IL15: variants seen among roughly 807,000 people sequenced by gnomAD.
IL15 encodes interleukin 15, also known as interleukin-15.
Under a neutral mutation model 19.6 loss-of-function variants are expected in IL15, and 11 were observed. The ratio of observed to expected loss-of-function variants is 0.56; its 90% CI spans 0.35 to 0.93. The LOEUF (loss-of-function observed/expected upper bound fraction) is 0.93. Among genes scored for constraint, IL15 ranks in the 40% least tolerant of loss-of-function variants. IL15 has a pLI of 0.01. For synonymous variants in IL15, 58 were observed against 59.6 expected, an observed-to-expected ratio of 0.97 and a Z score of 0.12; for missense variants, 197 against 186.5, an observed-to-expected ratio of 1.06 and a Z score of -0.33.
intron 2 of IL15, among the ~76,000 whole-genome samples, chr4:141,673,011 T>A (rs751980061): frequency 6.6e-6 from 1 of 152,214 alleles, no homozygotes; most frequent in Non-Finnish European, 1.5e-5. Flanking sequence ...ATGTAGCTGC[T>A]GTGAGCTTTT....
intron 2 of IL15, among the ~76,000 whole-genome samples, chr4:141,665,185 CTTATT>C (rs1727928443): frequency 1.3e-5 from 2 of 151,882 alleles, no homozygotes; most frequent in African/African-American, 4.8e-5. Context: ...ATTAATAATT[CTTATT>C]TTGTCAGATC....
intron 2 of IL15, among the ~76,000 whole-genome samples, chr4:141,704,897 C>T (rs1450021617): frequency 3.3e-5 from 5 of 151,280 alleles, no homozygotes; most frequent in South Asian, 4.2e-4. Context: ...CTCTCATGAT[C>T]CTTTGTATTT....
chr4:141,712,519 G>A (rs115871930), intron 2 of IL15, among the ~76,000 whole-genome samples: 3,283 of 151,412 alleles, frequency 0.022, 126 homozygotes, highest in African/African-American at 0.074. Flanking sequence ...ATCCCCTCCA[G>A]CTACATAAAT....
chr4:141,650,366 C>T (rs889648372), intron 1 of IL15, among the ~76,000 whole-genome samples: 1 of 152,080 alleles, frequency 6.6e-6, no homozygotes, highest in Admixed American at 6.5e-5. Context: ...TCAATGTCTA[C>T]TAGTAACTGC....
At chr4:141,646,683 T>G (rs539628905) in intron 1 of IL15, among the ~76,000 whole-genome samples, 1 of 152,246 alleles carries the variant, frequency 6.6e-6, no homozygotes, top group African/African-American at 2.4e-5. Context: ...AGCTTACACA[T>G]AGTCTAATGT....
chr4:141,703,157 C>A (rs1188799348), intron 2 of IL15, among the ~76,000 whole-genome samples: 2 of 152,176 alleles, frequency 1.3e-5, no homozygotes, highest in Non-Finnish European at 2.9e-5. Context: ...AGAACTCAGA[C>A]CTGCCTGAGG....
At chr4:141,718,938 G>C (rs931321880) in intron 2 of IL15, 5 of 152,192 alleles carry the variant, frequency 3.3e-5, no homozygotes, top group African/African-American at 1.2e-4. Flanking sequence ...GATTAACAAT[G>C]GTTTCTTTAA....
At chr4:141,666,756 G>A (rs903692604) in intron 2 of IL15, among the ~76,000 whole-genome samples, 3 of 151,844 alleles carry the variant, frequency 2.0e-5, no homozygotes, top group Non-Finnish European at 4.4e-5. Flanking sequence ...GGAGCTGGCC[G>A]TGAAGAAATT....
intron 2 of IL15, among the ~76,000 whole-genome samples, chr4:141,710,967 G>C (rs955684498): frequency 1.3e-5 from 2 of 151,962 alleles, no homozygotes; most frequent in Non-Finnish European, 2.9e-5. Flanking sequence ...ATTGCTACTT[G>C]TAAAAGTACA....
intron 2 of IL15, among the ~76,000 whole-genome samples, chr4:141,691,377 T>A (rs1293473651): frequency 6.6e-6 from 1 of 152,128 alleles, no homozygotes; most frequent in Non-Finnish European, 1.5e-5. Flanking sequence ...CTTTTCCATT[T>A]TGAAACCAAT....
chr4:141,646,318 C>T (rs934207916), intron 1 of IL15, among the ~76,000 whole-genome samples: 13 of 152,098 alleles, frequency 8.5e-5, no homozygotes, highest in African/African-American at 3.1e-4. Flanking sequence ...ATCTGCTACT[C>T]TTCCCTTAGC....
intron 2 of IL15, among the ~76,000 whole-genome samples, chr4:141,694,279 C>A (rs950329815): frequency 1.3e-5 from 2 of 152,124 alleles, no homozygotes; most frequent in African/African-American, 4.8e-5. Flanking sequence ...GCGATAGTCA[C>A]CTGAGAAAAT....
At chr4:141,708,275 T>A (rs1298278170) in intron 2 of IL15, among the ~76,000 whole-genome samples, 1 of 152,198 alleles carries the variant, frequency 6.6e-6, no homozygotes, top group Non-Finnish European at 1.5e-5. Context: ...ATGACATGCC[T>A]ATGCTCTAGG....
At chr4:141,688,480 T>C (rs1167782255) in intron 2 of IL15, among the ~76,000 whole-genome samples, 1 of 152,220 alleles carries the variant, frequency 6.6e-6, no homozygotes, top group Non-Finnish European at 1.5e-5. Context: ...TATCAGAGTA[T>C]ACAAGAGTGC....
At chr4:141,708,896 A>G (rs1050252914) in intron 2 of IL15, among the ~76,000 whole-genome samples, 2 of 152,056 alleles carry the variant, frequency 1.3e-5, no homozygotes, top group Non-Finnish European at 2.9e-5. Context: ...ATTATGTGCA[A>G]TTTCCAGATT....
intron 5 of IL15, among the ~76,000 whole-genome samples, chr4:141,722,746 A>G (rs1730130911): frequency 6.6e-6 from 1 of 152,210 alleles, no homozygotes; most frequent in Admixed American, 6.5e-5. Context: ...TTGAAAGCAG[A>G]CATTATAAAA....
intron 2 of IL15, among the ~76,000 whole-genome samples, chr4:141,697,398 T>G (rs1038054156): frequency 1.2e-4 from 19 of 152,272 alleles, no homozygotes; most frequent in Admixed American, 1.2e-3. Context: ...TACTATGCTG[T>G]TTTGGTAACT....
At chr4:141,653,707 A>C (rs1727491460) in intron 1 of IL15, among the ~76,000 whole-genome samples, 1 of 152,176 alleles carries the variant, frequency 6.6e-6, no homozygotes, top group Non-Finnish European at 1.5e-5. Context: ...TAATTTACTT[A>C]AGCAGTACCC....
chr4:141,641,962 A>C (rs1173765765), intron 1 of IL15, among the ~76,000 whole-genome samples: 2 of 152,014 alleles, frequency 1.3e-5, no homozygotes, highest in Non-Finnish European at 2.9e-5. Context: ...GAAAAGTGTG[A>C]ATATCGCTAC....
Sources: gnomAD v4.1 joint callset for allele counts (sites outside exome capture counted in the v4.1 genomes callset) on GRCh38, gnomAD v4.1.1 for gene constraint, MANE v1.5 for transcripts, NCBI Gene and HGNC (gene_info 2026-07-23, HGNC 2026-07-21) for gene names.